CELSR1: variants seen among roughly 807,000 people sequenced by gnomAD.
The protein encoded by CELSR1 is adhesion G protein-coupled receptor C1.
Under a neutral mutation model 249.1 loss-of-function variants are expected in CELSR1, and 110 were observed. That is an observed-to-expected ratio of 0.44 (90% CI 0.38 to 0.52). CELSR1 has a LOEUF of 0.52. CELSR1 is among the 20% of genes least tolerant of loss of function. The pLI, the probability that CELSR1 is intolerant of heterozygous loss-of-function variation, is 0.00. For synonymous variants in CELSR1, 2,113 were observed against 1,900.0 expected, an observed-to-expected ratio of 1.11 and a Z score of -2.92; for missense variants, 4,109 against 4,296.4, an observed-to-expected ratio of 0.96 and a Z score of 1.22.
rs769095954 is a variant in CELSR1, at chr22:46,389,331, C to T, written c.6514G>A (p.Gly2172Ser). Residue 2172 changes from glycine to serine, a missense_variant, in exon 18 of 35, where the codon GGC (glycine) becomes AGC (serine). Physicochemically the swap from Gly to Ser is moderately conservative, Grantham distance 56. This residue lies in a region of CELSR1 where 1,805 missense variants were observed against 1,831.6 expected (regional missense o/e 0.99). Coordinates refer to ENST00000674500, the MANE Select transcript of CELSR1 (RefSeq NM_001378328.1). ...HVLQHESWQQ[G>S]FDLAATQDAD... Reference sequence around the variant, plus strand: ...TCCTGCGTGGCTGCCAGGTCGAAGCCCTGCTGCCAGCTCTCGTGCTGAAGG... The same window carrying T: ...TCCTGCGTGGCTGCCAGGTCGAAGCTCTGCTGCCAGCTCTCGTGCTGAAGG... The T allele has an allele frequency of 2.0e-5, 32 of 1,610,024 alleles. No homozygotes were observed. The Admixed American group carries it at 2.7e-4, about 13-fold the overall frequency.
intron 23 of CELSR1, among the ~76,000 whole-genome samples, chr22:46,378,171 G>C (rs370503667): frequency 1.3e-5 from 2 of 152,226 alleles, no homozygotes; most frequent in Admixed American, 1.3e-4. Flanking sequence ...GTGTGGCCCC[G>C]AGGGAGAGCG....
intron 1 of CELSR1, among the ~76,000 whole-genome samples, chr22:46,503,475 C>T (rs567306037): frequency 3.3e-5 from 5 of 152,218 alleles, no homozygotes; most frequent in Admixed American, 2.6e-4. Flanking sequence ...ACTGTGACCA[C>T]GGGAGGCTAC....
chr22:46,364,960 T>TC (rs2078750789), intron 32 of CELSR1, among the ~76,000 whole-genome samples: 1 of 152,114 alleles, frequency 6.6e-6, no homozygotes, highest in South Asian at 2.1e-4. Flanking sequence ...TACAGGCTAA[T>TC]CCCCCACTGG....
intron 14 of CELSR1, among the ~76,000 whole-genome samples, chr22:46,392,320 C>T (rs2079102296): frequency 6.6e-6 from 1 of 152,130 alleles, no homozygotes; most frequent in Non-Finnish European, 1.5e-5. Flanking sequence ...ACTCCCCAGG[C>T]CCAAGTAGCA....
rs142948340 is a variant in CELSR1, at chr22:46,470,841, C to G, written c.3545-6496G>C. ...CAACATGATGTTAGGTTACAAGAAA[C>G]AGGCCAGGAGCAGTGGCTCACACCT... On this transcript the variant is annotated intron_variant, in intron 1 of 34. Coordinates refer to ENST00000674500, the MANE Select transcript of CELSR1 (RefSeq NM_001378328.1). Among the ~76,000 whole-genome samples, 715 of 152,240 alleles carry G rather than the reference C, an allele frequency of 4.7e-3. 3 individuals are homozygous for G. The highest frequency in any genetic ancestry group is 0.027 in the Middle Eastern group (8 of 294).
At chr22:46,493,324 T>G (rs958823501) in intron 1 of CELSR1, among the ~76,000 whole-genome samples, 6 of 151,982 alleles carry the variant, frequency 3.9e-5, no homozygotes, top group African/African-American at 1.5e-4. Flanking sequence ...GGCGGGTGGA[T>G]CACCTGAGAT....
chr22:46,493,210 A>G (rs2080383919), intron 1 of CELSR1, among the ~76,000 whole-genome samples: 3 of 152,116 alleles, frequency 2.0e-5, no homozygotes, highest in Admixed American at 2.0e-4. Flanking sequence ...TGATGGCACC[A>G]CTGCACTCCA....
chr22:46,439,445 T>C, intron 2 of CELSR1, 34 bp from the exon 3 acceptor site: 3 of 1,563,486 alleles, frequency 1.9e-6, no homozygotes, highest in East Asian at 2.3e-5. Flanking sequence ...AGAGAGGAGG[T>C]TACCGACCAG....
At chr22:46,414,487 T>C (rs2079374255) in intron 5 of CELSR1, among the ~76,000 whole-genome samples, 2 of 125,634 alleles carry the variant, frequency 1.6e-5, no homozygotes, top group Admixed American at 1.5e-4. Flanking sequence ...GAGGCTCTGG[T>C]TTAAAATGCC....
chr22:46,403,982 A>AC (rs1336425775), intron 9 of CELSR1, among the ~76,000 whole-genome samples: 1 of 151,358 alleles, frequency 6.6e-6, no homozygotes, highest in Non-Finnish European at 1.5e-5. Flanking sequence ...AAAAAAAAAA[A>AC]AAAAAAAAGA....
chr22:46,385,674 ATTTTTTT>A (rs747955777), intron 19 of CELSR1, among the ~76,000 whole-genome samples: 1 of 132,240 alleles, frequency 7.6e-6, no homozygotes, highest in Non-Finnish European at 1.6e-5. Context: ...CCTGCCGAAT[ATTTTTTT>A]TTTTTTTTTT....
chr22:46,530,774 C>T (rs2080783409), intron 1 of CELSR1, among the ~76,000 whole-genome samples: 1 of 152,220 alleles, frequency 6.6e-6, no homozygotes, highest in East Asian at 1.9e-4. Context: ...ACTGCCCCCA[C>T]CACGTGGGCC....
intron 1 of CELSR1, among the ~76,000 whole-genome samples, chr22:46,520,102 G>A (rs1453711927): frequency 6.6e-6 from 1 of 152,026 alleles, no homozygotes; most frequent in Non-Finnish European, 1.5e-5. Flanking sequence ...TCCAACTCCT[G>A]ACCTCAGGTG....
At chr22:46,479,194 G>A (rs1229473119) in intron 1 of CELSR1, among the ~76,000 whole-genome samples, 2 of 151,820 alleles carry the variant, frequency 1.3e-5, no homozygotes, top group Non-Finnish European at 2.9e-5. Flanking sequence ...ACGCTCCCGG[G>A]GTTTTGCTGA....
chr22:46,374,809 G>A lies in CELSR1; in HGVS notation c.7585-1752C>T, dbSNP rs1377578167. The stretch of plus-strand genomic sequence containing the variant: ...ATGAGAACGTGCCCATTGCGGGGAT[G>A]CGCCCGGCTGCGGATGTGAAGAAAC... On this transcript the variant is annotated intron_variant, in intron 24 of 34. Coordinates refer to ENST00000674500, the MANE Select transcript of CELSR1 (RefSeq NM_001378328.1). This position sits in a 1 kb window ranked among gnomAD's most constrained non-coding sequence, Gnocchi z 4.3. Among the ~76,000 whole-genome samples, 1 of 152,168 alleles carries A rather than the reference G, an allele frequency of 6.6e-6. No individual in the cohort carries two copies. Among genetic ancestry groups the A allele is most frequent in the East Asian group, 1.9e-4 (1 of 5,190 alleles).
chr22:46,384,511 G>A (rs748675543), intron 20 of CELSR1, 32 bp downstream of exon 20: 12 of 1,560,396 alleles, frequency 7.7e-6, no homozygotes, highest in Middle Eastern at 1.7e-4. Flanking sequence ...TGGGGACTCC[G>A]AGGGCAGCAG....
Position 46,537,388 on chromosome 22 carries a change from G to A in CELSR1, c.-218C>T, listed in dbSNP as rs1334898035. Among the ~76,000 whole-genome samples the A allele has an allele frequency of 8.7e-5, 13 of 148,708 alleles. No individual in the cohort carries two copies. The East Asian group carries it at 1.6e-3, about 18-fold the overall frequency. On this transcript the variant is annotated 5_prime_UTR_variant, in exon 1 of 35. Coordinates refer to ENST00000674500, the MANE Select transcript of CELSR1 (RefSeq NM_001378328.1). The surrounding 1 kb of genome is among the most constrained non-coding windows in gnomAD (Gnocchi z 5.8). ...TCGAGAGCACTTTGCGAAAGTTTGC[G>A]AAGTTGGTTTCAAGATGGCTCCTCC...
chr22:46,419,667 G>C (rs747770610), intron 5 of CELSR1, among the ~76,000 whole-genome samples: 3 of 144,616 alleles, frequency 2.1e-5, no homozygotes, highest in Non-Finnish European at 4.4e-5. Flanking sequence ...TGACTTTTCT[G>C]AGCAAGCAAA....
Position 46,468,768 on chromosome 22 carries a change from TA to T in CELSR1, c.3545-4424del, listed in dbSNP as rs1305002327. On this transcript the variant is annotated intron_variant, in intron 1 of 34. Transcript: ENST00000674500. This position sits in a 1 kb window ranked among gnomAD's most constrained non-coding sequence, Gnocchi z 4.5. ...TAAAGTGGTAAACGTATGTGTATTT[TA>T]CCACAATTACAAATTTTTTTAATAG... Among the ~76,000 whole-genome samples the T allele has an allele frequency of 6.6e-6, 1 of 152,152 alleles. No individual in the cohort carries two copies. Among genetic ancestry groups the T allele is most frequent in the Non-Finnish European group, 1.5e-5 (1 of 68,034 alleles).
Sources: allele counts gnomAD v4.1 joint callset (sites outside exome capture counted in the v4.1 genomes callset), GRCh38; gene constraint gnomAD v4.1.1; regional missense constraint gnomAD v4.1.1; non-coding constraint Gnocchi (gnomAD v3.1); transcripts MANE v1.5; gene names NCBI Gene and HGNC (gene_info 2026-07-23, HGNC 2026-07-21).